SENP6: variants seen among roughly 807,000 people sequenced by gnomAD.
SENP6 encodes SUMO specific peptidase 6.
In SENP6, 41 loss-of-function variants were observed where a neutral mutation model predicts 134.5. The observed-to-expected ratio is 0.30, with a 90% CI of 0.24 to 0.40. SENP6 has a LOEUF of 0.40. Among genes scored for constraint, SENP6 ranks in the 10% least tolerant of loss-of-function variants. SENP6 has a pLI of 1.00. For synonymous variants in SENP6, 395 were observed against 429.8 expected, an observed-to-expected ratio of 0.92 and a Z score of 1.00; for missense variants, 1,248 against 1,312.5, an observed-to-expected ratio of 0.95 and a Z score of 0.76.
At chr6:75,709,107 T>C (rs1023920905) in intron 19 of SENP6, among the ~76,000 whole-genome samples, 3 of 152,170 alleles carry the variant, frequency 2.0e-5, no homozygotes, top group African/African-American at 7.2e-5. Context: ...AATTATGCAG[T>C]TGCATTTTCT....
chr6:75,609,623 T>C (rs1767292374), intron 1 of SENP6, among the ~76,000 whole-genome samples: 1 of 152,256 alleles, frequency 6.6e-6, no homozygotes, highest in Admixed American at 6.5e-5. Context: ...CATGTGGTAT[T>C]TTAAATGACA....
At position 75,647,896 on chromosome 6, in the gene SENP6, G is replaced by T. The variant is rs1167205787; in HGVS notation, c.550+95G>T. 1.6e-5 allele frequency: 14 copies of T among 899,816 alleles called. No homozygotes were observed. In the African/African-American group the frequency reaches 2.4e-4, roughly 16 times the overall value. 55.7% of individuals were successfully genotyped at this position (899,816 alleles called of 1,614,324 possible). A position where few individuals can be genotyped will look rare whatever the true frequency, so the allele number is the denominator to read the frequency against. ...GATGCTGGCTTTAGAATATTCCCAG[G>T]TATAATAGATATATATGTAGAAAAC... On this transcript the variant is annotated intron_variant, in intron 7 of 23. Transcript: ENST00000447266.
intron 16 of SENP6, among the ~76,000 whole-genome samples, chr6:75,680,373 G>A (rs921917831): frequency 2.0e-5 from 3 of 152,194 alleles, no homozygotes; most frequent in African/African-American, 7.2e-5. Flanking sequence ...CTAGAGTTTG[G>A]TTGAGTTCTG....
At chr6:75,685,035 T>C (rs1773730584) in intron 16 of SENP6, among the ~76,000 whole-genome samples, 1 of 152,184 alleles carries the variant, frequency 6.6e-6, no homozygotes, top group Admixed American at 6.5e-5. Context: ...TCCTGGACTT[T>C]TTTTGGTTGG....
chr6:75,656,343 A>G (rs1451186014), intron 7 of SENP6, among the ~76,000 whole-genome samples: 1 of 151,858 alleles, frequency 6.6e-6, no homozygotes, highest in Non-Finnish European at 1.5e-5. Context: ...TGTAAGAGGG[A>G]TTCAGCATAA....
At chr6:75,683,112 A>G (rs1562045810) in intron 16 of SENP6, among the ~76,000 whole-genome samples, 2 of 152,126 alleles carry the variant, frequency 1.3e-5, no homozygotes, top group African/African-American at 2.4e-5. Context: ...CTGGCATGAG[A>G]TGGTTATCTC....
At position 75,647,613 on chromosome 6, in the gene SENP6, A is replaced by G. The variant is rs1291953390; in HGVS notation, c.480-118A>G. On this transcript the variant is annotated intron_variant, in intron 6 of 23. Coordinates refer to ENST00000447266, the MANE Select transcript of SENP6 (RefSeq NM_015571.4). ...TTGTTATTTTATAGTATCACTTTTT[A>G]TATGGCAAAGAAGCTATGATTTGCT... The G allele has an allele frequency of 7.5e-6, 4 of 531,206 alleles. No individual in the cohort carries two copies. In the South Asian group the frequency reaches 8.5e-5, roughly 11 times the overall value. 32.9% of individuals were successfully genotyped at this position (531,206 alleles called of 1,614,324 possible).
intron 6 of SENP6, 21 bp from the exon 7 acceptor site, chr6:75,647,710 C>T (rs9352231): frequency 0.1 from 153,679 of 1,521,798 alleles, 8,112 homozygotes; most frequent in Non-Finnish European, 0.1. Context: ...TAGAATAAAA[C>T]TACATAAATT....
chr6:75,678,343 T>C (rs1053602430), intron 14 of SENP6: 3 of 374,006 alleles, frequency 8.0e-6, no homozygotes, highest in African/African-American at 6.5e-5. Context: ...AGAAGTAAGA[T>C]ACTGGAAAAT....
chr6:75,680,131 A>C (rs1773363058), intron 16 of SENP6, among the ~76,000 whole-genome samples: 1 of 152,222 alleles, frequency 6.6e-6, no homozygotes, highest in African/African-American at 2.4e-5. Context: ...AGAATTGTTT[A>C]CTATATAGAA....
rs150793730 is a variant in SENP6 at position 75,682,114 on chromosome 6, C to G, written c.2075+3187C>G. Among the ~76,000 whole-genome samples the G allele has an allele frequency of 8.7e-4, 132 of 151,924 alleles. 4 individuals are homozygous for G. The East Asian group carries it at 0.024, about 28-fold the overall frequency. On this transcript the variant is annotated intron_variant, in intron 16 of 23. Coordinates refer to ENST00000447266, the MANE Select transcript of SENP6 (RefSeq NM_015571.4). ...AAAGCAGAGTCTGACAAATAAACTT[C>G]TGAGGAAAGAAAATTACCAGGGATC...
intron 7 of SENP6, among the ~76,000 whole-genome samples, chr6:75,651,389 T>C (rs1407005165): frequency 6.6e-6 from 1 of 152,212 alleles, no homozygotes; most frequent in African/African-American, 2.4e-5. Flanking sequence ...GGTCTTGCTC[T>C]ATTACCCAGG....
At chr6:75,618,632 T>A (rs1449418015) in intron 1 of SENP6, among the ~76,000 whole-genome samples, 1 of 152,184 alleles carries the variant, frequency 6.6e-6, no homozygotes, top group Non-Finnish European at 1.5e-5. Flanking sequence ...CTAGACCCTC[T>A]AAGAAAGCAG....
At chr6:75,622,651 G>C in intron 2 of SENP6, 1 of 445,200 alleles carries the variant, frequency 2.2e-6, no homozygotes, top group Non-Finnish European at 4.0e-6. Flanking sequence ...CAAATTCAGA[G>C]ATCCACAAAT....
At chr6:75,688,160 C>G (rs1444067331) in intron 16 of SENP6, among the ~76,000 whole-genome samples, 1 of 152,220 alleles carries the variant, frequency 6.6e-6, no homozygotes, top group Non-Finnish European at 1.5e-5. Flanking sequence ...GACCGCTGTG[C>G]TAGCAGTGAG....
At position 75,617,263 on chromosome 6, in the gene SENP6, CTTTTTTTTTTTTTTTT is replaced by C. The variant is rs71002751; in HGVS notation, c.53-4257_53-4242del. Among the ~76,000 whole-genome samples, 7 of 58,100 alleles carry C rather than the reference CTTTTTTTTTTTTTTTT, an allele frequency of 1.2e-4. No individual in the cohort carries two copies. In the East Asian group the frequency reaches 2.9e-3, roughly 24 times the overall value. The allele number at this position is 58,100 out of a possible 152,430, so 38.1% of individuals were successfully genotyped here. On this transcript the variant is annotated intron_variant, in intron 1 of 23. Transcript: ENST00000447266. ...GATGGTTTGGAGAATTTCTTTCTTT[CTTTTTTTTTTTTTTTT>C]TTTTTTTTTTTGAGACGGAGTTTCG...
intron 2 of SENP6, among the ~76,000 whole-genome samples, chr6:75,623,595 G>T (rs1768439246): frequency 6.6e-6 from 1 of 152,072 alleles, no homozygotes. Flanking sequence ...TAAATAAACA[G>T]AATTATGTGT....
Position 75,677,161 on chromosome 6 carries a change from T to C in SENP6, c.1753T>C (p.Phe585Leu). 6.2e-7 allele frequency: 1 copy of C among 1,612,700 alleles called. No homozygotes were observed. Among genetic ancestry groups the C allele is most frequent in the Non-Finnish European group, 8.5e-7 (1 of 1,179,182 alleles). The change falls in exon 14 of 24, where the codon TTT becomes CTT. Residue 585 changes from phenylalanine (F) to leucine (L), a missense_variant. Phe to Leu is a conservative substitution (Grantham distance 22). Transcript: ENST00000447266. ...NISNFFAKIP[F>L]EEANGRLVAC... The stretch of plus-strand genomic sequence containing the variant: ...CTCCAATTTTTTTGCGAAAATTCCC[T>C]TTGAAGAAGCTAATGGCAGACTTGT...
chr6:75,608,677 A>G (rs917285253), intron 1 of SENP6, among the ~76,000 whole-genome samples: 2 of 144,016 alleles, frequency 1.4e-5, no homozygotes, highest in Non-Finnish European at 3.0e-5. Flanking sequence ...TCTTGGATAG[A>G]TTACTTAACT....
Sources: allele counts gnomAD v4.1 joint callset (sites outside exome capture counted in the v4.1 genomes callset), GRCh38; gene constraint gnomAD v4.1.1; transcripts MANE v1.5; gene names NCBI Gene and HGNC (gene_info 2026-07-23, HGNC 2026-07-21).